Variants in PARK7 observed in about 807,000 individuals in gnomAD.
PARK7 encodes the protein Parkinsonism associated deglycase, also known as Parkinson disease protein 7.
Under a neutral mutation model 20.5 loss-of-function variants are expected in PARK7, and 14 were observed. The ratio of observed to expected loss-of-function variants is 0.68; its 90% CI spans 0.45 to 1.07. The LOEUF is 1.07. Among genes scored for constraint, PARK7 ranks in the 50% least tolerant of loss-of-function variants. The pLI, the probability that PARK7 is intolerant of heterozygous loss-of-function variation, is 0.00. For missense variants in PARK7, 234 were observed against 238.1 expected, an observed-to-expected ratio of 0.98 and a Z score of 0.11; for synonymous variants, 98 against 84.3, an observed-to-expected ratio of 1.16 and a Z score of -0.89.
chr1:7,977,341 CA>C (rs1439823260), intron 5 of PARK7, among the ~76,000 whole-genome samples: 3 of 152,172 alleles, frequency 2.0e-5, no homozygotes, highest in African/African-American at 7.2e-5. Context: ...ATGTGCTCAG[CA>C]AATCGTTTGT....
intron 6 of PARK7, among the ~76,000 whole-genome samples, chr1:7,981,089 G>T (rs778116278): frequency 1.1e-4 from 17 of 152,100 alleles, no homozygotes; most frequent in Non-Finnish European, 2.2e-4. Flanking sequence ...TTTGTCCACT[G>T]TTTGATGGCA....
At chr1:7,976,224 G>A (rs1640581438) in intron 5 of PARK7, among the ~76,000 whole-genome samples, 1 of 152,148 alleles carries the variant, frequency 6.6e-6, no homozygotes, top group East Asian at 1.9e-4. Context: ...TAGCCATCCA[G>A]GGCACCTTAA....
intron 2 of PARK7, among the ~76,000 whole-genome samples, chr1:7,964,447 T>G (rs1415250746): frequency 6.6e-6 from 1 of 152,224 alleles, no homozygotes; most frequent in African/African-American, 2.4e-5. Flanking sequence ...TACATGTCGA[T>G]TAAGTTTATC....
chr1:7,969,122 G>T, intron 3 of PARK7: 1 of 520,498 alleles, frequency 1.9e-6, no homozygotes, highest in Non-Finnish European at 3.4e-6. Context: ...CTGCAGCGTG[G>T]ACATCCTTGC....
chr1:7,983,942 T>C (rs1201506072), intron 6 of PARK7, among the ~76,000 whole-genome samples: 2 of 152,058 alleles, frequency 1.3e-5, no homozygotes, highest in African/African-American at 4.8e-5. Context: ...GGAAATGAAA[T>C]GTTCATAGAT....
At chr1:7,981,765 TCTC>T (rs1640714796) in intron 6 of PARK7, among the ~76,000 whole-genome samples, 1 of 151,174 alleles carries the variant, frequency 6.6e-6, no homozygotes, top group Admixed American at 6.6e-5. Context: ...TTCACGCCAT[TCTC>T]CTGCCTCAGC....
At position 7,970,971 on chromosome 1, in the gene PARK7, G is replaced by T. The variant is rs1640453341; in HGVS notation, c.322+8G>T. On this transcript the variant is annotated splice_region_variant and intron_variant, in intron 5 of 6. Transcript: ENST00000338639. Reference sequence around the variant, plus strand: ...TAGCCGCCATCTGTGCAGGTGACGTGCAGGGGCAGCCTGTGTTGCAGCGTC... The same window carrying T: ...TAGCCGCCATCTGTGCAGGTGACGTTCAGGGGCAGCCTGTGTTGCAGCGTC... 6.2e-7 allele frequency: 1 copy of T among 1,614,126 alleles called. No homozygotes were observed. The highest frequency in any genetic ancestry group is 2.2e-5 in the East Asian group (1 of 44,884).
At chr1:7,968,425 T>TG (rs1242535057) in intron 3 of PARK7, among the ~76,000 whole-genome samples, 5 of 152,102 alleles carry the variant, frequency 3.3e-5, no homozygotes, top group Admixed American at 1.3e-4. Flanking sequence ...TAGGATTTTT[T>TG]GGGGGGGATA....
intron 6 of PARK7, among the ~76,000 whole-genome samples, chr1:7,978,739 A>T (rs1640641613): frequency 6.6e-6 from 1 of 151,816 alleles, no homozygotes; most frequent in African/African-American, 2.4e-5. Flanking sequence ...GCAGCTGCTC[A>T]GGAGGCTGAG....
At chr1:7,967,290 T>C (rs943199853) in intron 3 of PARK7, among the ~76,000 whole-genome samples, 3 of 152,220 alleles carry the variant, frequency 2.0e-5, no homozygotes, top group Non-Finnish European at 4.4e-5. Context: ...TGTGTATAAA[T>C]GCCACATTTT....
chr1:7,970,649 G>C (rs1640445901), intron 4 of PARK7, among the ~76,000 whole-genome samples: 1 of 152,162 alleles, frequency 6.6e-6, no homozygotes. Flanking sequence ...GGGTCAAATT[G>C]CTTCTTCTGA....
chr1:7,978,838 C>A (rs1640643464), intron 6 of PARK7, among the ~76,000 whole-genome samples: 1 of 120,350 alleles, frequency 8.3e-6, no homozygotes, highest in South Asian at 2.5e-4. Flanking sequence ...CAAAGCAAGA[C>A]CCTATCAAAA....
At chr1:7,963,578 T>A (rs1008593145) in intron 2 of PARK7, among the ~76,000 whole-genome samples, 1 of 151,864 alleles carries the variant, frequency 6.6e-6, no homozygotes, top group African/African-American at 2.4e-5. Flanking sequence ...TTTCACCATG[T>A]TGGCCAGGTT....
chr1:7,979,714 C>T (rs1247207501), intron 6 of PARK7, among the ~76,000 whole-genome samples: 1 of 152,178 alleles, frequency 6.6e-6, no homozygotes, highest in East Asian at 1.9e-4. Flanking sequence ...ATTGCACAGT[C>T]TGGTCTTGAA....
chr1:7,969,511 T>C lies in PARK7; in HGVS notation c.252+107T>C. 7.0e-6 allele frequency: 6 copies of C among 852,370 alleles called. No individual in the cohort carries two copies. The South Asian group carries it at 9.0e-5, about 13-fold the overall frequency. The allele number at this position is 852,370 out of a possible 1,614,324, so 52.8% of individuals were successfully genotyped here. On this transcript the variant is annotated intron_variant, in intron 4 of 6. Coordinates refer to ENST00000338639, the MANE Select transcript of PARK7 (RefSeq NM_007262.5). Reference sequence around the variant, plus strand: ...GTTAATTTTGTTATTATTCAAATATTTCGGGAGGAGGCTGTGAAAAAAAAA... The same window carrying C: ...GTTAATTTTGTTATTATTCAAATATCTCGGGAGGAGGCTGTGAAAAAAAAA...
intron 3 of PARK7, among the ~76,000 whole-genome samples, chr1:7,966,966 T>G (rs1640343542): frequency 6.6e-6 from 1 of 152,202 alleles, no homozygotes; most frequent in East Asian, 1.9e-4. Flanking sequence ...TATATATGAT[T>G]GTTAACTATA....
chr1:7,973,087 G>C (rs1557446659), intron 5 of PARK7, among the ~76,000 whole-genome samples: 1 of 152,184 alleles, frequency 6.6e-6, no homozygotes, highest in Non-Finnish European at 1.5e-5. Context: ...GATGTTCATA[G>C]ATATAACCCA....
At chr1:7,977,119 C>T (rs1188168675) in intron 5 of PARK7, among the ~76,000 whole-genome samples, 1 of 152,174 alleles carries the variant, frequency 6.6e-6, no homozygotes, top group Non-Finnish European at 1.5e-5. Context: ...CTAAATCTTT[C>T]CTTTTACTAA....
intron 4 of PARK7, among the ~76,000 whole-genome samples, chr1:7,970,559 G>T (rs935608117): frequency 6.6e-6 from 1 of 152,192 alleles, no homozygotes; most frequent in Non-Finnish European, 1.5e-5. Context: ...GCTAGATTCT[G>T]TTCCTCTCTC....
Sources: gnomAD v4.1 joint callset for allele counts (sites outside exome capture counted in the v4.1 genomes callset) on GRCh38, gnomAD v4.1.1 for gene constraint, MANE v1.5 for transcripts, NCBI Gene and HGNC (gene_info 2026-07-23, HGNC 2026-07-21) for gene names.